Variants in ZNF362 observed in about 807,000 individuals in gnomAD.
ZNF362 encodes rotund homolog.
In ZNF362, 11 loss-of-function variants were observed where a neutral mutation model predicts 42.9. That is an observed-to-expected ratio of 0.26 (90% CI 0.16 to 0.42). The LOEUF (loss-of-function observed/expected upper bound fraction) is 0.42, where lower values mean the gene tolerates loss of function less well. Ranked by LOEUF, ZNF362 falls within the 20% of genes least tolerant of loss-of-function variation. The pLI, the probability that ZNF362 is intolerant of heterozygous loss-of-function variation, is 1.00. For synonymous variants in ZNF362, 255 were observed against 257.3 expected (o/e 0.99, Z 0.09); for missense variants, 362 against 576.2 (o/e 0.63, Z 3.81).
At chr1:33,147,120 G>T in the ZNF362 span, 1 of 1,572,838 alleles carries the variant, frequency 6.4e-7, no homozygotes, top group Non-Finnish European at 8.7e-7. This position sits in a 1 kb window ranked among gnomAD's most constrained non-coding sequence, Gnocchi z 8.1. Context: ...TATCTCCTGG[G>T]CAGGGCTCTT....
chr1:33,141,513 C>T, the ZNF362 span, among the ~76,000 whole-genome samples: 2 of 150,398 alleles, frequency 1.3e-5, no homozygotes, highest in Non-Finnish European at 2.9e-5. Flanking sequence ...TCGATCACAT[C>T]TAGTCTCACA....
chr1:33,268,323 A>C (rs1169737072), intron 1 of ZNF362, among the ~76,000 whole-genome samples: 1 of 152,216 alleles, frequency 6.6e-6, no homozygotes, highest in South Asian at 2.1e-4. Context: ...CATCCAGGCC[A>C]CAGCCCTTTC....
chr1:33,151,605 G>A, the ZNF362 span, among the ~76,000 whole-genome samples: 38 of 152,252 alleles, frequency 2.5e-4, no homozygotes, highest in Admixed American at 1.0e-3. Context: ...CAAAACAAGC[G>A]CAGTCCCTGG....
the ZNF362 span, among the ~76,000 whole-genome samples, chr1:33,249,254 T>C: frequency 1.2e-4 from 19 of 152,258 alleles, no homozygotes; most frequent in African/African-American, 4.6e-4. Flanking sequence ...AAAGTCCCTG[T>C]AGCAAGAGGA....
chr1:33,281,461 T>A lies in ZNF362; in HGVS notation c.684-126T>A. 1.2e-6 allele frequency: 1 copy of A among 868,130 alleles called. No homozygotes were observed. Among genetic ancestry groups the A allele is most frequent in the Non-Finnish European group, 1.8e-6 (1 of 547,720 alleles). The allele number at this position is 868,130 out of a possible 1,614,324, so 53.8% of individuals were successfully genotyped here. On this transcript the variant is annotated intron_variant, in intron 5 of 8. Transcript: ENST00000539719. The surrounding 1 kb of genome is among the most constrained non-coding windows in gnomAD (Gnocchi z 4.8). ...GTCCCCTGTCTTTCCCAGGTGGTCC[T>A]GTGCTTCTTGGGCTCATCACAGGAA...
the ZNF362 span, among the ~76,000 whole-genome samples, chr1:33,178,366 G>A: frequency 6.6e-6 from 1 of 152,192 alleles, no homozygotes; most frequent in African/African-American, 2.4e-5. Context: ...GGGGTGGAGG[G>A]TGCCTTGAAT....
the ZNF362 span, among the ~76,000 whole-genome samples, chr1:33,182,803 T>C: frequency 1.3e-5 from 2 of 151,682 alleles, no homozygotes; most frequent in Non-Finnish European, 2.9e-5. Context: ...CTAGTAATTC[T>C]GTACTGTTGG....
the ZNF362 span, among the ~76,000 whole-genome samples, chr1:33,231,310 T>C: frequency 2.0e-5 from 3 of 152,200 alleles, no homozygotes; most frequent in African/African-American, 7.2e-5. Context: ...GTTTGTTGAT[T>C]GCATGAGGTT....
At chr1:33,136,684 C>T in the ZNF362 span, among the ~76,000 whole-genome samples, 2 of 151,290 alleles carry the variant, frequency 1.3e-5, no homozygotes, top group African/African-American at 4.8e-5. Flanking sequence ...GGGCTGTTTC[C>T]GGTTCCCCAA....
the ZNF362 span, among the ~76,000 whole-genome samples, chr1:33,182,840 G>A: frequency 6.6e-6 from 1 of 152,070 alleles, no homozygotes; most frequent in South Asian, 2.1e-4. Flanking sequence ...GAGCCTGGGT[G>A]GGCTGGAGGG....
At chr1:33,284,101 A>G (rs1646015436) in intron 6 of ZNF362, among the ~76,000 whole-genome samples, 1 of 152,234 alleles carries the variant, frequency 6.6e-6, no homozygotes, top group Admixed American at 6.5e-5. Context: ...TTGTGCCTAT[A>G]CAACGTGTAA....
chr1:33,276,937 G>C (rs561476916), intron 4 of ZNF362, among the ~76,000 whole-genome samples: 2 of 152,388 alleles, frequency 1.3e-5, no homozygotes, highest in Admixed American at 1.3e-4. Flanking sequence ...AGATTTAGGG[G>C]GTAAGAGAAG....
the ZNF362 span, among the ~76,000 whole-genome samples, chr1:33,189,306 A>G: frequency 1.2e-4 from 18 of 152,212 alleles, no homozygotes; most frequent in African/African-American, 4.3e-4. Flanking sequence ...CAATGCAGGG[A>G]TCACAACAGG....
chr1:33,136,868 G>A, the ZNF362 span, among the ~76,000 whole-genome samples: 5 of 151,814 alleles, frequency 3.3e-5, no homozygotes, highest in South Asian at 2.1e-4. Flanking sequence ...GTGGTGGTGC[G>A]TGCTTGTAGT....
the ZNF362 span, among the ~76,000 whole-genome samples, chr1:33,211,792 G>A: frequency 6.6e-6 from 1 of 152,092 alleles, no homozygotes. Flanking sequence ...GCCTTGCTAG[G>A]TTGGGGATGT....
the ZNF362 span, chr1:33,145,942 A>G: frequency 2.8e-5 from 13 of 470,796 alleles, no homozygotes; most frequent in African/African-American, 2.6e-4. Context: ...TCTCTTGTAA[A>G]AATTTAGATT....
intron 1 of ZNF362, among the ~76,000 whole-genome samples, chr1:33,264,541 G>A (rs1045673177): frequency 3.3e-5 from 5 of 152,180 alleles, no homozygotes; most frequent in African/African-American, 1.2e-4. Flanking sequence ...AGAAAATTGA[G>A]GCTTGGAGAT....
chr1:33,151,430 A>G, the ZNF362 span, among the ~76,000 whole-genome samples: 1 of 152,082 alleles, frequency 6.6e-6, no homozygotes, highest in Non-Finnish European at 1.5e-5. Flanking sequence ...CGAATCATTA[A>G]CACAGGGTCT....
chr1:33,218,953 A>ACG, the ZNF362 span, among the ~76,000 whole-genome samples: 1 of 148,846 alleles, frequency 6.7e-6, no homozygotes, highest in Admixed American at 6.8e-5. Context: ...ACACACACAC[A>ACG]CACACACACA....
Sources: gnomAD v4.1 joint callset for allele counts (sites outside exome capture counted in the v4.1 genomes callset) on GRCh38, gnomAD v4.1.1 for gene constraint, Gnocchi (gnomAD v3.1) non-coding constraint, MANE v1.5 for transcripts, NCBI Gene and HGNC (gene_info 2026-07-23, HGNC 2026-07-21) for gene names.